DHX32: variants seen among roughly 807,000 people sequenced by gnomAD.
The protein encoded by DHX32 is putative pre-mRNA-splicing factor ATP-dependent RNA helicase DHX32.
Under a neutral mutation model 70.0 loss-of-function variants are expected in DHX32, and 51 were observed. The observed-to-expected ratio is 0.73, with a 90% confidence interval of 0.58 to 0.92. DHX32 has a LOEUF of 0.92. Ranked by LOEUF, DHX32 falls within the 40% of genes least tolerant of loss-of-function variation. The pLI is 0.00. For missense variants in DHX32, 762 were observed against 891.8 expected (o/e 0.85, Z 1.85); for synonymous variants, 310 against 315.3 (o/e 0.98, Z 0.18).
At chr10:125,879,587 C>T (rs557273534) in intron 1 of DHX32, among the ~76,000 whole-genome samples, 10 of 152,330 alleles carry the variant, frequency 6.6e-5, no homozygotes, top group Non-Finnish European at 1.5e-4. Context: ...GCTCACTAAC[C>T]TCCAATGGTT....
rs373669851 is a variant in DHX32 at position 125,842,874 on chromosome 10, T to G, written c.1352-940A>C. 391 of 698,116 alleles carry G rather than the reference T, an allele frequency of 5.6e-4. No individual in the cohort carries two copies. In the African/African-American group the frequency reaches 7.3e-3, roughly 13 times the overall value. 43.2% of individuals were successfully genotyped at this position (698,116 alleles called of 1,614,324 possible). On this transcript the variant is annotated intron_variant, in intron 6 of 10. Transcript: ENST00000284690. ...GATAATGATGTGGTATTATATATGC[T>G]CAGTCTTTACCAAAGTTTTTAAAAA...
At chr10:125,837,551 CAAG>C (rs1854733399) in intron 10 of DHX32, among the ~76,000 whole-genome samples, 1 of 152,168 alleles carries the variant, frequency 6.6e-6, no homozygotes, top group Admixed American at 6.5e-5. Context: ...CGCAGAATCT[CAAG>C]TAGCTGGGAC....
chr10:125,843,883 C>A (rs1024728820), intron 6 of DHX32, among the ~76,000 whole-genome samples: 1 of 152,206 alleles, frequency 6.6e-6, no homozygotes. Context: ...GCAGGGAACC[C>A]AGACATCCGC....
At position 125,838,990 on chromosome 10, in the gene DHX32, C is replaced by A. The variant is rs781107173; in HGVS notation, c.1881+11G>T. 39 of 1,611,230 alleles carry A rather than the reference C, an allele frequency of 2.4e-5. No individual in the cohort carries two copies. The highest frequency in any genetic ancestry group is 3.2e-5 in the Non-Finnish European group (38 of 1,178,130). On this transcript the variant is annotated intron_variant, in intron 9 of 10. Transcript: ENST00000284690. Reference sequence around the variant, plus strand: ...CAGAGCCTATGCTGAGGTGACCCCACCCCTTCTCACCTGCATAAAGTAACC... The same window carrying A: ...CAGAGCCTATGCTGAGGTGACCCCAACCCTTCTCACCTGCATAAAGTAACC...
chr10:125,851,121 G>A (rs1487598007), intron 6 of DHX32, among the ~76,000 whole-genome samples: 1 of 152,178 alleles, frequency 6.6e-6, no homozygotes, highest in Non-Finnish European at 1.5e-5. Context: ...TTTTCACATG[G>A]TTCATGCATC....
In DHX32 at chr10:125,836,780, T is replaced by G; in HGVS notation, c.2139A>C (p.Val713=). The G allele has an allele frequency of 1.2e-6, 2 of 1,614,158 alleles. No homozygotes were observed. The highest frequency in any genetic ancestry group is 1.7e-6 in the Non-Finnish European group (2 of 1,179,992). The change falls in exon 11 of 11, where the codon GTA becomes GTC. Residue 713 remains valine (V), a synonymous_variant. Coordinates refer to ENST00000284690, the MANE Select transcript of DHX32 (RefSeq NM_018180.3). ...PSESKDILQQ[V]VDHLSPVSTM... is the part of the protein sequence containing the mutation. ...TTGACACAGGGGATAGGTGATCCACTACTTGCTGTAGAATGTCCTTACTTT... is the reference window on the plus strand; with the variant it reads ...TTGACACAGGGGATAGGTGATCCACGACTTGCTGTAGAATGTCCTTACTTT...
intron 4 of DHX32, chr10:125,853,232 G>C: frequency 6.2e-7 from 1 of 1,606,122 alleles, no homozygotes; most frequent in Non-Finnish European, 8.5e-7. Context: ...TGTTGGAATT[G>C]CTCTGTCATA....
At chr10:125,879,647 G>GT (rs1187847209) in intron 1 of DHX32, among the ~76,000 whole-genome samples, 4 of 151,818 alleles carry the variant, frequency 2.6e-5, no homozygotes, top group South Asian at 2.1e-4. Context: ...CAAACTCCTT[G>GT]TTTTTTTTGT....
At chr10:125,894,969 G>T (rs77982732) in intron 1 of DHX32, among the ~76,000 whole-genome samples, 5 of 152,212 alleles carry the variant, frequency 3.3e-5, no homozygotes, top group African/African-American at 4.8e-5. Context: ...GGGAGTTAAG[G>T]TTCCATGAAG....
At chr10:125,883,406 A>G (rs1944328805), upstream of DHX32, among the ~76,000 whole-genome samples, 2 of 152,210 alleles carry the variant, frequency 1.3e-5, no homozygotes, top group African/African-American at 4.8e-5. Context: ...ATCACTTCCA[A>G]GATATTCCCA....
chr10:125,845,500 G>C (rs1054836620), intron 6 of DHX32, among the ~76,000 whole-genome samples: 2 of 152,174 alleles, frequency 1.3e-5, no homozygotes, highest in African/African-American at 4.8e-5. Flanking sequence ...GCCTTCTCTT[G>C]TCTAAAGTGG....
In DHX32 at chr10:125,838,400, ATTTT is replaced by A. The variant is rs1343832760; in HGVS notation, c.1882-17_1882-14del. Reference sequence around the variant, plus strand: ...CATCCCGAGCAATCTGAAAGGCAGAATTTTAAAGAAAAAAGATTTTGTATTAATA... The same window carrying A: ...CATCCCGAGCAATCTGAAAGGCAGAAAAAGAAAAAAGATTTTGTATTAATA... On this transcript the variant is annotated splice_polypyrimidine_tract_variant and intron_variant, in intron 9 of 10. Transcript: ENST00000284690. 1 of 1,551,286 alleles carries A rather than the reference ATTTT, an allele frequency of 6.4e-7. No homozygotes were observed. The highest frequency in any genetic ancestry group is 8.7e-7 in the Non-Finnish European group (1 of 1,154,918).
intron 7 of DHX32, 65 bp downstream of exon 7, chr10:125,841,678 T>A: frequency 1.3e-6 from 2 of 1,561,700 alleles, no homozygotes; most frequent in Admixed American, 4.4e-5. Flanking sequence ...TTCAAATGGA[T>A]CCGATCTAAA....
intron 1 of DHX32, 49 bp from the exon 2 acceptor site, chr10:125,867,232 C>A: frequency 6.8e-7 from 1 of 1,462,518 alleles, no homozygotes; most frequent in South Asian, 1.3e-5. Context: ...GAAAACAAAA[C>A]AAGAGACATC....
At chr10:125,839,288 C>G (rs1430186532) in intron 8 of DHX32, 100 bp from the exon 9 acceptor site, 2 of 1,275,186 alleles carry the variant, frequency 1.6e-6, no homozygotes, top group Non-Finnish European at 2.2e-6. Flanking sequence ...GTGCTCTCCT[C>G]TCCTACAAAG....
At chr10:125,883,899 T>C (rs898659024), upstream of DHX32, among the ~76,000 whole-genome samples, 3 of 152,176 alleles carry the variant, frequency 2.0e-5, no homozygotes, top group Admixed American at 6.6e-5. Context: ...TCAGAACCCA[T>C]GCCACTGTGT....
intron 10 of DHX32, among the ~76,000 whole-genome samples, chr10:125,837,071 T>C (rs1854714892): frequency 6.6e-6 from 1 of 152,250 alleles, no homozygotes; most frequent in African/African-American, 2.4e-5. Context: ...AGTTGGCCTC[T>C]CTAGTGTTAT....
At chr10:125,841,510 T>C (rs1854879799) in intron 7 of DHX32, 15 of 1,438,834 alleles carry the variant, frequency 1.0e-5, no homozygotes, top group Non-Finnish European at 1.4e-5. Flanking sequence ...TTCATACATC[T>C]GATGTATAAA....
At chr10:125,863,354 T>C (rs1198802034) in intron 2 of DHX32, among the ~76,000 whole-genome samples, 2 of 152,184 alleles carry the variant, frequency 1.3e-5, no homozygotes, top group South Asian at 2.1e-4. Flanking sequence ...AGTTTACTAA[T>C]TGCCTATGAT....
Sources: gnomAD v4.1 joint callset for allele counts (sites outside exome capture counted in the v4.1 genomes callset) on GRCh38, gnomAD v4.1.1 for gene constraint, MANE v1.5 for transcripts, NCBI Gene and HGNC (gene_info 2026-07-23, HGNC 2026-07-21) for gene names.